Variants in EYS observed in about 807,000 individuals in gnomAD.
EYS encodes protein eyes shut homolog.
EYS carries 250 observed loss-of-function variants against 282.1 expected under a neutral mutation model. That is an observed-to-expected ratio of 0.89 (90% CI 0.80 to 0.98). The LOEUF is 0.98. EYS is among the 50% of genes least tolerant of loss of function. The probability of loss-of-function intolerance (pLI) is 0.00; values close to 1 mark genes in which losing one functional copy is unlikely to be tolerated. For synonymous variants in EYS, 1,355 were observed against 1,282.9 expected (o/e 1.06, Z -1.20); for missense variants, 4,016 against 3,709.0 (o/e 1.08, Z -2.15).
At chr6:65,011,995 T>C (rs1183862479) in intron 13 of EYS, among the ~76,000 whole-genome samples, 1 of 152,212 alleles carries the variant, frequency 6.6e-6, no homozygotes, top group Non-Finnish European at 1.5e-5. Flanking sequence ...TATTAACAAT[T>C]TGATGCTCCC....
At chr6:64,953,876 G>A (rs1769596716) in intron 14 of EYS, among the ~76,000 whole-genome samples, 1 of 151,892 alleles carries the variant, frequency 6.6e-6, no homozygotes. Flanking sequence ...AATATGAAAA[G>A]TCACATGGTA....
intron 12 of EYS, among the ~76,000 whole-genome samples, chr6:65,279,458 T>C (rs1004108430): frequency 5.9e-5 from 9 of 152,166 alleles, no homozygotes; most frequent in African/African-American, 1.9e-4. Flanking sequence ...TTAGGCAACA[T>C]ACCACACTTT....
At chr6:64,368,731 C>T (rs1220041692) in intron 29 of EYS, among the ~76,000 whole-genome samples, 5 of 151,974 alleles carry the variant, frequency 3.3e-5, no homozygotes, top group Admixed American at 3.3e-4. Context: ...TTGTTCATGT[C>T]CTTTGCCCAT....
intron 12 of EYS, among the ~76,000 whole-genome samples, chr6:65,177,150 T>C (rs1328279501): frequency 6.6e-6 from 1 of 151,794 alleles, no homozygotes; most frequent in African/African-American, 2.4e-5. Flanking sequence ...GAATTTTTTA[T>C]AAACAAGACT....
chr6:65,176,264 A>G (rs1256470661), intron 12 of EYS, among the ~76,000 whole-genome samples: 1 of 151,534 alleles, frequency 6.6e-6, no homozygotes, highest in African/African-American at 2.4e-5. Context: ...AGCTTCTGGG[A>G]ACTAAAATTC....
intron 15 of EYS, among the ~76,000 whole-genome samples, chr6:64,937,530 T>A (rs879675448): frequency 6.6e-6 from 1 of 151,586 alleles, no homozygotes; most frequent in Non-Finnish European, 1.5e-5. Flanking sequence ...AGAAAGCACA[T>A]GTTAAGATGA....
At chr6:64,460,737 G>T (rs760986871) in intron 26 of EYS, among the ~76,000 whole-genome samples, 70 of 152,206 alleles carry the variant, frequency 4.6e-4, no homozygotes, top group Non-Finnish European at 5.3e-4. Flanking sequence ...TAATGTTCAG[G>T]TTTTCTGATA....
chr6:64,045,892 A>T (rs1312773246), intron 33 of EYS, among the ~76,000 whole-genome samples: 3 of 134,976 alleles, frequency 2.2e-5, no homozygotes, highest in South Asian at 2.3e-4. Context: ...TATATATGTA[A>T]TATATAATAC....
At position 64,093,318 on chromosome 6, in the gene EYS, G is replaced by A. The variant is rs1050315427; in HGVS notation, c.6425-11316C>T. The stretch of plus-strand genomic sequence containing the variant: ...AGTCATTGGTAGCTTGATGGGGATG[G>A]CATTGAATCTATAAATTACCTCGGG... On this transcript the variant is annotated intron_variant, in intron 31 of 42. Transcript: ENST00000503581. Among the ~76,000 whole-genome samples the A allele has an allele frequency of 9.2e-5, 14 of 152,184 alleles. No individual in the cohort carries two copies. In the South Asian group the frequency reaches 1.2e-3, roughly 14 times the overall value.
chr6:65,300,095 A>T (rs1454119256), intron 11 of EYS, among the ~76,000 whole-genome samples: 1 of 152,078 alleles, frequency 6.6e-6, no homozygotes, highest in Admixed American at 6.5e-5. Context: ...AGTTTTGTTT[A>T]CTTATTCTAA....
chr6:65,019,085 T>C (rs1206782126), intron 13 of EYS, among the ~76,000 whole-genome samples: 1 of 152,286 alleles, frequency 6.6e-6, no homozygotes, highest in Admixed American at 6.5e-5. Flanking sequence ...ATCAATCCGA[T>C]GATTTCACCA....
At chr6:64,332,944 A>T (rs1770700383) in intron 29 of EYS, among the ~76,000 whole-genome samples, 1 of 152,224 alleles carries the variant, frequency 6.6e-6, no homozygotes, top group Admixed American at 6.5e-5. Flanking sequence ...GAGTTTAATC[A>T]TATTAGTAAT....
intron 12 of EYS, among the ~76,000 whole-genome samples, chr6:65,158,781 TA>T (rs1402566656): frequency 1.1e-4 from 17 of 150,974 alleles, no homozygotes; most frequent in Non-Finnish European, 2.5e-4. Flanking sequence ...AAGTCCTATT[TA>T]AAATTGTAAT....
chr6:64,283,287 G>T (rs1217892914), intron 30 of EYS, among the ~76,000 whole-genome samples: 1 of 152,062 alleles, frequency 6.6e-6, no homozygotes, highest in Non-Finnish European at 1.5e-5. Flanking sequence ...AATTAGGCAG[G>T]TCAGAATCAA....
chr6:64,570,623 G>T (rs1009012965), intron 26 of EYS, among the ~76,000 whole-genome samples: 1 of 151,996 alleles, frequency 6.6e-6, no homozygotes, highest in Admixed American at 6.6e-5. Context: ...AAAAAGCAGG[G>T]ATTGCAATCC....
At chr6:64,551,536 C>CTT (rs34550861) in intron 26 of EYS, among the ~76,000 whole-genome samples, 25 of 131,794 alleles carry the variant, frequency 1.9e-4, no homozygotes, top group African/African-American at 3.6e-4. Context: ...CAAGTGCATT[C>CTT]TTTTTTTTTT....
At chr6:64,721,716 T>G (rs960709515) in intron 22 of EYS, among the ~76,000 whole-genome samples, 1 of 152,160 alleles carries the variant, frequency 6.6e-6, no homozygotes, top group Non-Finnish European at 1.5e-5. Context: ...ACTTTAGAGA[T>G]TATTTAGCTA....
chr6:64,529,830 A>AAGTACTAT (rs112379325), intron 26 of EYS, among the ~76,000 whole-genome samples: 39,073 of 151,636 alleles, frequency 0.26, 5,473 homozygotes, highest in East Asian at 0.35. Context: ...AGAACACGTT[A>AAGTACTAT]AAATAAAGTT....
rs577619145 is a variant in EYS at position 64,821,392 on chromosome 6, C to T, written c.3243+253G>A. ...ACTTCTAGGATTTAGTTTGGTGGGG[C>T]GGTCGGCGGGAGGGAGGAGAATCGT... On this transcript the variant is annotated intron_variant, in intron 21 of 42. Coordinates refer to ENST00000503581, the MANE Select transcript of EYS (RefSeq NM_001142800.2). Among the ~76,000 whole-genome samples the T allele has an allele frequency of 6.7e-4, 101 of 151,612 alleles. 2 individuals are homozygous for T. In the South Asian group the frequency reaches 0.02, roughly 30 times the overall value.
Sources: gnomAD v4.1 joint callset for allele counts (sites outside exome capture counted in the v4.1 genomes callset) on GRCh38, gnomAD v4.1.1 for gene constraint, MANE v1.5 for transcripts, NCBI Gene and HGNC (gene_info 2026-07-23, HGNC 2026-07-21) for gene names.